The following CEP112 variants were observed in gnomAD, a reference collection of about 807,000 sequenced individuals.
CEP112 encodes centrosomal protein 112, also known as centrosomal protein of 112 kDa.
In CEP112, 127 loss-of-function variants were observed where a neutral mutation model predicts 153.0. The observed-to-expected ratio is 0.83, with a 90% CI of 0.72 to 0.96. The LOEUF (loss-of-function observed/expected upper bound fraction) is 0.96. Among genes scored for constraint, CEP112 ranks in the 40% least tolerant of loss-of-function variants. The probability of loss-of-function intolerance (pLI) is 0.00; values close to 1 mark genes in which losing one functional copy is unlikely to be tolerated. For missense variants in CEP112, 1,089 were observed against 1,101.2 expected, an observed-to-expected ratio of 0.99 and a Z score of 0.16; for synonymous variants, 358 against 374.4, an observed-to-expected ratio of 0.96 and a Z score of 0.51.
intron 21 of CEP112, among the ~76,000 whole-genome samples, chr17:65,827,300 T>C (rs1007273611): frequency 6.6e-6 from 1 of 152,224 alleles, no homozygotes; most frequent in Admixed American, 6.5e-5. Context: ...CTCCCCTTCA[T>C]ATATACATCT....
intron 22 of CEP112, among the ~76,000 whole-genome samples, chr17:65,748,952 G>A (rs535794726): frequency 1.3e-5 from 2 of 152,210 alleles, no homozygotes; most frequent in East Asian, 1.9e-4. Context: ...AACGTAAAGC[G>A]AAATAAGCAG....
Position 65,837,266 on chromosome 17 carries a change from C to T in CEP112, c.2394+14538G>A, listed in dbSNP as rs532406347. On this transcript the variant is annotated intron_variant, in intron 21 of 26. Transcript: ENST00000535342. ...GGAGCGTCTCTGCCTGGCCGCCCATCGTCTGGGATGTGAGGAGCCCCTCTG... is the reference window on the plus strand; with the variant it reads ...GGAGCGTCTCTGCCTGGCCGCCCATTGTCTGGGATGTGAGGAGCCCCTCTG... Among the ~76,000 whole-genome samples, 66 of 151,906 alleles carry T rather than the reference C, an allele frequency of 4.3e-4. No individual in the cohort carries two copies. In the East Asian group the frequency reaches 0.011, roughly 25 times the overall value.
intron 4 of CEP112, among the ~76,000 whole-genome samples, chr17:66,168,512 T>C (rs1364147072): frequency 2.0e-5 from 3 of 151,656 alleles, no homozygotes; most frequent in Admixed American, 6.6e-5. Flanking sequence ...TGTATATATG[T>C]GTGTGTATAT....
In CEP112 at chr17:65,839,908, C is replaced by T. The variant is rs78845707; in HGVS notation, c.2394+11896G>A. Among the ~76,000 whole-genome samples, 98 of 151,710 alleles carry T rather than the reference C, an allele frequency of 6.5e-4. 1 individual carries two copies. In the East Asian group the frequency reaches 0.017, roughly 26 times the overall value. On this transcript the variant is annotated intron_variant, in intron 21 of 26. Transcript: ENST00000535342. Reference sequence around the variant, plus strand: ...CAATCATGAAAAAAAATCAAGAAAGCAATCCTATTTACAGCAGCGATAAAA... The same window carrying T: ...CAATCATGAAAAAAAATCAAGAAAGTAATCCTATTTACAGCAGCGATAAAA...
intron 12 of CEP112, among the ~76,000 whole-genome samples, chr17:66,036,303 A>G (rs2065737223): frequency 6.6e-6 from 1 of 152,232 alleles, no homozygotes; most frequent in South Asian, 2.1e-4. Flanking sequence ...TATCGTGCCT[A>G]TAGTTACTAA....
intron 18 of CEP112, among the ~76,000 whole-genome samples, chr17:65,943,024 C>T (rs2061549349): frequency 6.6e-6 from 1 of 151,978 alleles, no homozygotes; most frequent in Non-Finnish European, 1.5e-5. Flanking sequence ...TAGACAGATA[C>T]ATAGATATGA....
intron 11 of CEP112, among the ~76,000 whole-genome samples, chr17:66,055,402 C>T (rs2066638557): frequency 6.6e-6 from 1 of 152,106 alleles, no homozygotes; most frequent in Non-Finnish European, 1.5e-5. Flanking sequence ...CTGAAATAAA[C>T]ATTGTAAAGC....
chr17:65,949,452 C>T (rs547464350), intron 18 of CEP112, among the ~76,000 whole-genome samples: 10 of 152,260 alleles, frequency 6.6e-5, no homozygotes, highest in Non-Finnish European at 7.4e-5. Flanking sequence ...ACTAGACAGA[C>T]AGATCAGGCC....
chr17:65,995,209 C>G (rs984134743), intron 17 of CEP112, among the ~76,000 whole-genome samples: 2 of 151,942 alleles, frequency 1.3e-5, no homozygotes, highest in Non-Finnish European at 1.5e-5. Context: ...CCCCATTCCT[C>G]TCGGAATTCT....
At chr17:65,731,213 C>A (rs370126602) in intron 23 of CEP112, among the ~76,000 whole-genome samples, 6 of 152,086 alleles carry the variant, frequency 3.9e-5, no homozygotes, top group Non-Finnish European at 7.4e-5. Flanking sequence ...ACAGGCATAC[C>A]GCGGAGATAC....
intron 21 of CEP112, among the ~76,000 whole-genome samples, chr17:65,823,004 T>C (rs982966488): frequency 2.6e-5 from 4 of 152,100 alleles, no homozygotes; most frequent in Non-Finnish European, 4.4e-5. Flanking sequence ...TAACAAAATA[T>C]GTGCAACCTC....
chr17:65,849,685 C>T (rs1387530839), intron 21 of CEP112, among the ~76,000 whole-genome samples: 2 of 152,166 alleles, frequency 1.3e-5, no homozygotes, highest in African/African-American at 4.8e-5. Context: ...GCACAGGTAT[C>T]TGTGCTATTT....
chr17:66,189,502 CAAA>C (rs36115506), intron 1 of CEP112, among the ~76,000 whole-genome samples: 25 of 119,978 alleles, frequency 2.1e-4, no homozygotes, highest in Non-Finnish European at 1.9e-4. Flanking sequence ...AACTCTGTCT[CAAA>C]AAAAAAAAAA....
chr17:65,805,780 C>T (rs1413315677), intron 21 of CEP112, among the ~76,000 whole-genome samples: 1 of 152,080 alleles, frequency 6.6e-6, no homozygotes, highest in Non-Finnish European at 1.5e-5. Context: ...TGAATTAATC[C>T]ATCCATGGTT....
chr17:66,106,392 C>G (rs1199623880), intron 6 of CEP112, among the ~76,000 whole-genome samples: 1 of 151,830 alleles, frequency 6.6e-6, no homozygotes, highest in Non-Finnish European at 1.5e-5. Context: ...ATCAACAAGC[C>G]TTCAACCAGA....
At chr17:65,967,512 A>G (rs942326808) in intron 17 of CEP112, among the ~76,000 whole-genome samples, 8 of 152,192 alleles carry the variant, frequency 5.3e-5, no homozygotes, top group Non-Finnish European at 1.2e-4. Context: ...TCTTGCAAAA[A>G]CTATAATCTG....
rs1427315236 is a variant in CEP112, at chr17:65,927,670, T to C, written c.1892A>G (p.Asp631Gly). 7.6e-6 allele frequency: 12 copies of C among 1,578,274 alleles called. No individual in the cohort carries two copies. Among genetic ancestry groups the C allele is most frequent in the Non-Finnish European group, 1.0e-5 (12 of 1,167,482 alleles). ...MKEQMEKVEA[D>G]LTRSKSLREK... Reference sequence around the variant, plus strand: ...ACGAAGAGATTTGGATCTAGTTAGATCTGCCTCCACTTTTTCCATCTATAA... The same window carrying C: ...ACGAAGAGATTTGGATCTAGTTAGACCTGCCTCCACTTTTTCCATCTATAA... The change falls in exon 19 of 27, where the codon GAT becomes GGT. Residue 631 changes from aspartate (D) to glycine (G), a missense_variant. By Grantham distance (94) the Asp-to-Gly change is moderately conservative (BLOSUM62 -1). Coordinates refer to ENST00000535342, the MANE Select transcript of CEP112 (RefSeq NM_001199165.4).
intron 19 of CEP112, among the ~76,000 whole-genome samples, chr17:65,907,947 A>C (rs1278380252): frequency 6.6e-6 from 1 of 152,200 alleles, no homozygotes; most frequent in African/African-American, 2.4e-5. Context: ...GAGGTGGTAA[A>C]TTATGGACAT....
chr17:65,970,794 A>C (rs1294367565), intron 17 of CEP112, among the ~76,000 whole-genome samples: 1 of 44,478 alleles, frequency 2.2e-5, no homozygotes, highest in Non-Finnish European at 4.8e-5. Flanking sequence ...TAAAATGTAT[A>C]TTGCACATGT....
Sources: gnomAD v4.1 joint callset for allele counts (sites outside exome capture counted in the v4.1 genomes callset) on GRCh38, gnomAD v4.1.1 for gene constraint, MANE v1.5 for transcripts, NCBI Gene and HGNC (gene_info 2026-07-23, HGNC 2026-07-21) for gene names.